The following ASIC2 variants were observed in gnomAD, a reference collection of about 807,000 sequenced individuals.
ASIC2 encodes acid sensing ion channel subunit 2, also known as acid-sensing ion channel 2.
A neutral mutation model predicts 57.3 loss-of-function variants in ASIC2; 25 were observed. That is an observed-to-expected ratio of 0.44 (90% confidence interval 0.32 to 0.61). The LOEUF is 0.61. ASIC2 is among the 20% of genes least tolerant of loss of function. ASIC2 has a pLI of 0.06. For missense variants in ASIC2, 641 were observed against 738.1 expected (o/e 0.87, Z 1.52); for synonymous variants, 319 against 307.5 (o/e 1.04, Z -0.39).
intron 1 of ASIC2, among the ~76,000 whole-genome samples, chr17:33,780,215 C>A (rs1295481921): frequency 6.6e-6 from 1 of 152,088 alleles, no homozygotes; most frequent in Non-Finnish European, 1.5e-5. Flanking sequence ...AAGTGATCCT[C>A]CTGCCTTGGC....
chr17:33,736,416 C>A (rs937705016), intron 1 of ASIC2, among the ~76,000 whole-genome samples: 1 of 152,206 alleles, frequency 6.6e-6, no homozygotes, highest in South Asian at 2.1e-4. Context: ...TTACCACTGG[C>A]CTTTTCTACA....
At chr17:34,025,005 G>A (rs1241593109) in intron 1 of ASIC2, among the ~76,000 whole-genome samples, 1 of 152,140 alleles carries the variant, frequency 6.6e-6, no homozygotes, top group Non-Finnish European at 1.5e-5. Flanking sequence ...GGCCAACATG[G>A]GGCCTCTTGG....
intron 2 of ASIC2, among the ~76,000 whole-genome samples, chr17:33,098,070 C>A (rs952237216): frequency 1.3e-5 from 2 of 152,196 alleles, no homozygotes; most frequent in African/African-American, 4.8e-5. Context: ...CGTTAAATTG[C>A]CCCTCTGAGC....
At chr17:33,443,524 C>A (rs957802526) in intron 1 of ASIC2, among the ~76,000 whole-genome samples, 1 of 147,130 alleles carries the variant, frequency 6.8e-6, no homozygotes, top group African/African-American at 2.5e-5. Flanking sequence ...CGCCATTCTC[C>A]TGCCTCAGCC....
intron 1 of ASIC2, among the ~76,000 whole-genome samples, chr17:33,900,134 T>G (rs541474361): frequency 6.6e-6 from 1 of 152,236 alleles, no homozygotes; most frequent in South Asian, 2.1e-4. Context: ...AATTAGTTCC[T>G]TCCTTTTCCT....
At chr17:33,880,914 G>T (rs2141939692) in intron 1 of ASIC2, among the ~76,000 whole-genome samples, 1 of 152,264 alleles carries the variant, frequency 6.6e-6, no homozygotes, top group African/African-American at 2.4e-5. Flanking sequence ...TATCCACCAT[G>T]ATCAAGTGGG....
chr17:33,871,385 G>T (rs761039967), intron 1 of ASIC2, among the ~76,000 whole-genome samples: 1 of 152,184 alleles, frequency 6.6e-6, no homozygotes, highest in African/African-American at 2.4e-5. Context: ...AGGCAGCAGA[G>T]GCACTGCCAC....
intron 1 of ASIC2, among the ~76,000 whole-genome samples, chr17:33,706,890 G>A (rs552945219): frequency 1.3e-5 from 2 of 152,240 alleles, no homozygotes; most frequent in East Asian, 3.9e-4. Flanking sequence ...CCTAACTGTT[G>A]GAGTGTCAGC....
At chr17:33,812,323 A>G (rs1257408221) in intron 1 of ASIC2, among the ~76,000 whole-genome samples, 7 of 152,210 alleles carry the variant, frequency 4.6e-5, no homozygotes, top group African/African-American at 1.7e-4. Context: ...GCTTTGAAGG[A>G]AAAGGCTCTT....
intron 1 of ASIC2, chr17:34,039,418 A>T: frequency 1.2e-6 from 2 of 1,613,730 alleles, no homozygotes; most frequent in African/African-American, 1.3e-5. Flanking sequence ...TGCTAGCATC[A>T]CTGACATGAG....
At chr17:33,507,104 C>T (rs896020150) in intron 1 of ASIC2, among the ~76,000 whole-genome samples, 3 of 152,174 alleles carry the variant, frequency 2.0e-5, no homozygotes, top group South Asian at 2.1e-4. Flanking sequence ...TGCCACAGGC[C>T]GGAGTCTCAC....
chr17:33,263,113 C>T (rs1403412218), intron 1 of ASIC2, among the ~76,000 whole-genome samples: 1 of 152,204 alleles, frequency 6.6e-6, no homozygotes, highest in East Asian at 1.9e-4. Flanking sequence ...TGTTATCCAT[C>T]TGGGCATTTT....
At chr17:33,543,821 G>A (rs2141971197) in intron 1 of ASIC2, among the ~76,000 whole-genome samples, 1 of 152,288 alleles carries the variant, frequency 6.6e-6, no homozygotes, top group South Asian at 2.1e-4. Context: ...CGGAAAAGCT[G>A]GGATTTGAAC....
At chr17:33,181,886 T>C (rs1263562561) in intron 1 of ASIC2, among the ~76,000 whole-genome samples, 1 of 152,188 alleles carries the variant, frequency 6.6e-6, no homozygotes, top group African/African-American at 2.4e-5. Flanking sequence ...GAGGTCAGTG[T>C]GCTTGAAGCA....
At chr17:33,022,336 T>C (rs1035187582) in intron 6 of ASIC2, among the ~76,000 whole-genome samples, 3 of 152,202 alleles carry the variant, frequency 2.0e-5, no homozygotes, top group African/African-American at 7.2e-5. Flanking sequence ...GCATTTCAAA[T>C]GCTCGTTGGC....
chr17:33,627,695 G>A (rs1251047891), intron 1 of ASIC2, among the ~76,000 whole-genome samples: 1 of 152,162 alleles, frequency 6.6e-6, no homozygotes, highest in Non-Finnish European at 1.5e-5. Context: ...TGCTGCTGGC[G>A]GCTGGTTTAT....
At chr17:33,317,673 G>A (rs1906711181) in intron 1 of ASIC2, among the ~76,000 whole-genome samples, 1 of 152,120 alleles carries the variant, frequency 6.6e-6, no homozygotes, top group South Asian at 2.1e-4. Flanking sequence ...ACTCTTGTAG[G>A]CAAGAAGTTT....
intron 1 of ASIC2, among the ~76,000 whole-genome samples, chr17:33,716,708 T>C (rs1044946631): frequency 2.6e-5 from 4 of 152,136 alleles, no homozygotes; most frequent in East Asian, 1.9e-4. Flanking sequence ...CTTCTCCTCA[T>C]GCCATCTGTC....
At chr17:33,772,449 C>A (rs1467310788) in intron 1 of ASIC2, among the ~76,000 whole-genome samples, 3 of 152,182 alleles carry the variant, frequency 2.0e-5, no homozygotes, top group Non-Finnish European at 2.9e-5. Context: ...TCTAAAGGCT[C>A]CTGTGTTACA....
Sources: allele counts gnomAD v4.1 joint callset (sites outside exome capture counted in the v4.1 genomes callset), GRCh38; gene constraint gnomAD v4.1.1; transcripts MANE v1.5; gene names NCBI Gene and HGNC (gene_info 2026-07-23, HGNC 2026-07-21).